Variants in EZH1 observed in about 807,000 individuals in gnomAD.
EZH1 encodes histone-lysine N-methyltransferase EZH1.
In EZH1, 33 loss-of-function variants were observed where a neutral mutation model predicts 100.5. The ratio of observed to expected loss-of-function variants is 0.33; its 90% confidence interval spans 0.25 to 0.44. EZH1 has a LOEUF of 0.44. Ranked by LOEUF, EZH1 falls within the 20% of genes least tolerant of loss-of-function variation. The probability of loss-of-function intolerance (pLI) is 1.00; values close to 1 mark genes in which losing one functional copy is unlikely to be tolerated. For synonymous variants in EZH1, 272 were observed against 313.8 expected (o/e 0.87, Z 1.41); for missense variants, 475 against 928.4 (o/e 0.51, Z 6.35).
Position 42,704,671 on chromosome 17 carries a change from C to A in EZH1, c.1948G>T (p.Asp650Tyr). ...ACCTTTCCGCGTCGATCAGCCTCAT[C>A]CTGAGAGATGAGCTAGAGAGATAGA... ...SEYCGELISQ[D>Y]EADRRGKVYD... The change falls in exon 18 of 21, where the codon GAT becomes TAT. Residue 650 changes from aspartate (D) to tyrosine (Y), a missense_variant. Coordinates refer to ENST00000428826, the MANE Select transcript of EZH1 (RefSeq NM_001991.5). The A allele has an allele frequency of 6.2e-7, 1 of 1,613,834 alleles. No individual in the cohort carries two copies. Among genetic ancestry groups the A allele is most frequent in the Non-Finnish European group, 8.5e-7 (1 of 1,179,862 alleles).
At chr17:42,712,230 C>A in intron 12 of EZH1, 59 bp downstream of exon 12, 2 of 1,555,232 alleles carry the variant, frequency 1.3e-6, no homozygotes, top group Admixed American at 1.8e-5. Flanking sequence ...TGGCAAAGGG[C>A]TGGACAGAGC....
At chr17:42,713,452 T>C in intron 10 of EZH1, 63 bp from the exon 11 acceptor site, 1 of 1,431,556 alleles carries the variant, frequency 7.0e-7, no homozygotes, top group Non-Finnish European at 9.4e-7. Flanking sequence ...GATCTCATCA[T>C]CACAAACTTT....
intron 1 of EZH1, among the ~76,000 whole-genome samples, chr17:42,737,208 A>C (rs1597867885): frequency 6.7e-6 from 1 of 149,026 alleles, no homozygotes; most frequent in Non-Finnish European, 1.5e-5. Flanking sequence ...CTCGTCTTGA[A>C]CTCCTGACCT....
intron 4 of EZH1, among the ~76,000 whole-genome samples, chr17:42,725,242 C>G (rs537932517): frequency 2.0e-5 from 3 of 152,046 alleles, no homozygotes; most frequent in African/African-American, 7.2e-5. Context: ...AAAAGGAATC[C>G]CTAGACTGCA....
In EZH1 at chr17:42,718,728, GT is replaced by G. The variant is rs1342793403; in HGVS notation, c.768-112del. On this transcript the variant is annotated intron_variant, in intron 8 of 20. Coordinates refer to ENST00000428826, the MANE Select transcript of EZH1 (RefSeq NM_001991.5). This position sits in a 1 kb window ranked among gnomAD's most constrained non-coding sequence, Gnocchi z 4.2. ...TACGGTCTGCCAAGGGAGGATGGGT[GT>G]TTTTTATAGGTCTGGTTGATAAGAG... 9 of 1,064,166 alleles carry G rather than the reference GT, an allele frequency of 8.5e-6. No individual in the cohort carries two copies. The highest frequency in any genetic ancestry group is 7.9e-5 in the African/African-American group (5 of 63,626). 65.9% of individuals were successfully genotyped at this position (1,064,166 alleles called of 1,614,324 possible). A position where few individuals can be genotyped will look rare whatever the true frequency, so the allele number is the denominator to read the frequency against.
Position 42,719,357 on chromosome 17 carries a change from T to C in EZH1, c.665-150A>G. Reference sequence around the variant, plus strand: ...TTGTTTGGAGATATATAAACATCAGTGCTATCTGGACTTATCTGATATATG... The same window carrying C: ...TTGTTTGGAGATATATAAACATCAGCGCTATCTGGACTTATCTGATATATG... On this transcript the variant is annotated intron_variant, in intron 7 of 20. Transcript: ENST00000428826. The C allele has an allele frequency of 4.7e-6, 3 of 637,972 alleles. No homozygotes were observed. In the South Asian group the frequency reaches 5.3e-5, roughly 11 times the overall value. 39.5% of individuals were successfully genotyped at this position (637,972 alleles called of 1,614,324 possible).
chr17:42,727,006 C>T (rs1486434771), intron 4 of EZH1, among the ~76,000 whole-genome samples: 1 of 151,820 alleles, frequency 6.6e-6, no homozygotes, highest in Admixed American at 6.6e-5. Context: ...TGCACCATCA[C>T]ACGCAGCTAA....
intron 2 of EZH1, among the ~76,000 whole-genome samples, chr17:42,730,528 G>A (rs2053921794): frequency 9.2e-6 from 1 of 108,726 alleles, no homozygotes; most frequent in South Asian, 3.1e-4. Flanking sequence ...ACGGAGTCTC[G>A]CTCTGTCGCC....
In EZH1 at chr17:42,701,920, C is replaced by T. The variant is rs577690061; in HGVS notation, c.*612G>A. 6.6e-6 allele frequency: 1 copy of T among 152,508 alleles called. No homozygotes were observed. Among genetic ancestry groups the T allele is most frequent in the East Asian group, 1.9e-4 (1 of 5,318 alleles). The allele number at this position is 152,508 out of a possible 1,614,324, so 9.4% of individuals were successfully genotyped here. Reference sequence around the variant, plus strand: ...ATGGCGTAGCTTTCCTTCCCCCAGCCTTGAATGCCTGTACTTAGAACCCAC... The same window carrying T: ...ATGGCGTAGCTTTCCTTCCCCCAGCTTTGAATGCCTGTACTTAGAACCCAC... On this transcript the variant is annotated 3_prime_UTR_variant, in exon 21 of 21. Transcript: ENST00000428826.
intron 1 of EZH1, among the ~76,000 whole-genome samples, chr17:42,739,746 T>C (rs1387981408): frequency 6.6e-6 from 1 of 151,774 alleles, no homozygotes; most frequent in African/African-American, 2.4e-5. Flanking sequence ...AATTAGATCG[T>C]ATGCACTGGA....
At chr17:42,702,998 C>A in intron 19 of EZH1, 37 bp from the exon 20 acceptor site, 1 of 1,599,908 alleles carries the variant, frequency 6.3e-7, no homozygotes, top group South Asian at 1.1e-5. Flanking sequence ...GGTTCCTACC[C>A]AACTCCAAGT....
At chr17:42,735,356 T>C (rs1473293082) in intron 1 of EZH1, among the ~76,000 whole-genome samples, 1 of 150,096 alleles carries the variant, frequency 6.7e-6, no homozygotes, top group Non-Finnish European at 1.5e-5. Context: ...CCAACAATTA[T>C]CATATCAAAG....
At chr17:42,726,917 T>C (rs1027077340) in intron 4 of EZH1, among the ~76,000 whole-genome samples, 4 of 152,022 alleles carry the variant, frequency 2.6e-5, no homozygotes, top group African/African-American at 9.7e-5. Flanking sequence ...TGGTGTGATC[T>C]TGGCTCACTG....
Position 42,723,020 on chromosome 17 carries a change from G to A in EZH1, c.367-105C>T, listed in dbSNP as rs1597847237. 7 of 1,442,664 alleles carry A rather than the reference G, an allele frequency of 4.9e-6. No homozygotes were observed. In the South Asian group the frequency reaches 7.3e-5, roughly 15 times the overall value. The allele number at this position is 1,442,664 out of a possible 1,614,324, so 89.4% of individuals were successfully genotyped here. The stretch of plus-strand genomic sequence containing the variant: ...GCTTTGTTTGTTGCTTGAGTCTCCT[G>A]AAAATGCCTTTGTCCCAGAGTTTCC... On this transcript the variant is annotated intron_variant, in intron 5 of 20. Transcript: ENST00000428826.
intron 1 of EZH1, 41 bp downstream of exon 1, chr17:42,744,970 C>A: frequency 8.0e-7 from 1 of 1,257,712 alleles, no homozygotes; most frequent in African/African-American, 1.6e-5. Context: ...GGGGAGGAGG[C>A]CCGGCCCCAC....
rs568735602 is a variant in EZH1 at position 42,713,165 on chromosome 17, T to C, written c.1204+44A>G. On this transcript the variant is annotated intron_variant, in intron 11 of 20. Transcript: ENST00000428826. ...GGCAGTGATCCTGGGTTTACCAGAG[T>C]CCTTGCATGGAAAGAAAAAGTCTTC... 56 of 1,594,300 alleles carry C rather than the reference T, an allele frequency of 3.5e-5. No individual in the cohort carries two copies. The East Asian group carries it at 1.2e-3, about 34-fold the overall frequency.
At position 42,728,851 on chromosome 17, in the gene EZH1, G is replaced by A. The variant is rs765876793; in HGVS notation, c.91C>T (p.Arg31Trp). The A allele has an allele frequency of 6.2e-6, 10 of 1,613,346 alleles. No homozygotes were observed. Among genetic ancestry groups the A allele is most frequent in the East Asian group, 2.2e-5 (1 of 44,858 alleles). The stretch of plus-strand genomic sequence containing the variant: ...TTTGCACCCATATTTGCCTGAAGCC[G>A]TTTAAGTTGTCGAAGTCGCATGTAT... ...SEYMRLRQLK[R>W]LQANMGAKAL... Residue 31 changes from arginine (R) to tryptophan (W), a missense_variant, in exon 3 of 21, where the codon CGG becomes TGG. Physicochemically the swap from Arg to Trp is moderately radical, Grantham distance 101. Coordinates refer to ENST00000428826, the MANE Select transcript of EZH1 (RefSeq NM_001991.5).
intron 1 of EZH1, among the ~76,000 whole-genome samples, chr17:42,734,482 C>CAA (rs145610464): frequency 0.014 from 2,069 of 151,898 alleles, 44 homozygotes; most frequent in African/African-American, 0.048. Context: ...GACAACATGC[C>CAA]AAAACCCAGT....
rs781088402 is a variant in EZH1, at chr17:42,718,620, A to G, written c.768-3T>C. The G allele has an allele frequency of 6.2e-7, 1 of 1,614,042 alleles. No individual in the cohort carries two copies. Among genetic ancestry groups the G allele is most frequent in the Non-Finnish European group, 8.5e-7 (1 of 1,179,970 alleles). The stretch of plus-strand genomic sequence containing the variant: ...ACATCTCTGTTAGTTCTCGATACCT[A>G]TTTAAGAAAAGAGAGATAAGAGTTC... On this transcript the variant is annotated splice_polypyrimidine_tract_variant and splice_region_variant and intron_variant, in intron 8 of 20. Transcript: ENST00000428826. The surrounding 1 kb of genome is among the most constrained non-coding windows in gnomAD (Gnocchi z 4.2).
Sources: allele counts gnomAD v4.1 joint callset (sites outside exome capture counted in the v4.1 genomes callset), GRCh38; gene constraint gnomAD v4.1.1; non-coding constraint Gnocchi (gnomAD v3.1); transcripts MANE v1.5; gene names NCBI Gene and HGNC (gene_info 2026-07-23, HGNC 2026-07-21).